The following ZNF846 variants were observed in gnomAD, a reference collection of about 807,000 sequenced individuals.
ZNF846 encodes zinc finger protein 420 pseudogene.
Under a neutral mutation model 16.0 loss-of-function variants are expected in ZNF846, and 15 were observed. The ratio of observed to expected loss-of-function variants is 0.94; its 90% CI spans 0.63 to 1.45. The LOEUF (loss-of-function observed/expected upper bound fraction) is 1.45, where lower values mean the gene tolerates loss of function less well. Ranked by LOEUF, ZNF846 falls within the 40% of genes most tolerant of loss-of-function variation. ZNF846 has a pLI of 0.00. For synonymous variants in ZNF846, 229 were observed against 212.0 expected (o/e 1.08, Z -0.70); for missense variants, 714 against 622.3 (o/e 1.15, Z -1.57).
At chr19:9,779,431 G>A (rs917163474) in intron 1 of ZNF846, among the ~76,000 whole-genome samples, 4 of 151,804 alleles carry the variant, frequency 2.6e-5, no homozygotes, top group Non-Finnish European at 5.9e-5. Flanking sequence ...ACCACGCCTG[G>A]CTAATTTTAT....
intron 1 of ZNF846, among the ~76,000 whole-genome samples, chr19:9,767,084 C>T (rs113211010): frequency 6.6e-6 from 1 of 151,840 alleles, no homozygotes; most frequent in African/African-American, 2.4e-5. Flanking sequence ...GCTTCTGCTT[C>T]CCAAAGTGCT....
exon 6 of ZNF846, chr19:9,758,552 A>G: frequency 1.9e-6 from 3 of 1,612,946 alleles, no homozygotes; most frequent in Non-Finnish European, 2.5e-6. Flanking sequence ...AGGCTTTTTC[A>G]TGTTTAACAC....
At chr19:9,753,753 CTA>C (rs2045106987), downstream of ZNF846, among the ~76,000 whole-genome samples, 1 of 151,632 alleles carries the variant, frequency 6.6e-6, no homozygotes, top group Non-Finnish European at 1.5e-5. Flanking sequence ...TTGTTTCATT[CTA>C]TGTGACTTGA....
intron 3 of ZNF846, 75 bp downstream of exon 3, chr19:9,763,207 C>A: frequency 7.2e-7 from 1 of 1,388,130 alleles, no homozygotes; most frequent in Non-Finnish European, 9.7e-7. Flanking sequence ...TATTACAGTA[C>A]CCTCATTTGA....
intron 1 of ZNF846, among the ~76,000 whole-genome samples, chr19:9,777,406 C>G (rs1021925403): frequency 6.6e-6 from 1 of 151,278 alleles, no homozygotes; most frequent in Non-Finnish European, 1.5e-5. Context: ...GGTGCGGTGG[C>G]TCATGCCTGT....
chr19:9,750,892 C>G (rs1003680090), downstream of ZNF846, among the ~76,000 whole-genome samples: 5 of 152,278 alleles, frequency 3.3e-5, no homozygotes, highest in East Asian at 9.7e-4. Context: ...GATTTACTCA[C>G]TGCTGAAAAA....
chr19:9,784,383 G>A (rs2045536968), intron 1 of ZNF846, among the ~76,000 whole-genome samples: 1 of 152,220 alleles, frequency 6.6e-6, no homozygotes, highest in Non-Finnish European at 1.5e-5. Context: ...GGATGTGCAT[G>A]TAGGCCAGAT....
intron 5 of ZNF846, 74 bp from the exon 6 acceptor site, chr19:9,758,838 C>A (rs2045177541): frequency 2.1e-5 from 23 of 1,121,566 alleles, no homozygotes; most frequent in Non-Finnish European, 2.9e-5. Flanking sequence ...CCAATCACAA[C>A]ATATATGCAT....
downstream of ZNF846, among the ~76,000 whole-genome samples, chr19:9,749,640 T>A (rs1348623919): frequency 5.3e-5 from 8 of 150,270 alleles, no homozygotes; most frequent in South Asian, 1.7e-3. Context: ...ACCTCCAGCA[T>A]AGTATCAACC....
intron 3 of ZNF846, among the ~76,000 whole-genome samples, chr19:9,762,987 T>C (rs1276331014): frequency 6.6e-6 from 1 of 151,916 alleles, no homozygotes. Flanking sequence ...CCACTAAAAA[T>C]ACAAAAATTA....
chr19:9,771,582 GA>G (rs2045391268), upstream of ZNF846, among the ~76,000 whole-genome samples: 1 of 152,126 alleles, frequency 6.6e-6, no homozygotes, highest in Non-Finnish European at 1.5e-5. Flanking sequence ...ACTTCACTTA[GA>G]ATAATAGTCT....
chr19:9,750,650 T>C (rs1055514819), downstream of ZNF846, among the ~76,000 whole-genome samples: 8 of 152,070 alleles, frequency 5.3e-5, no homozygotes, highest in African/African-American at 1.9e-4. Flanking sequence ...GACACCAACA[T>C]GACAAAAAAG....
downstream of ZNF846, among the ~76,000 whole-genome samples, chr19:9,755,342 C>T (rs549342213): frequency 4.6e-5 from 7 of 151,694 alleles, no homozygotes; most frequent in South Asian, 1.4e-3. Context: ...CAGTAAGACA[C>T]ATAGAAAGGC....
downstream of ZNF846, among the ~76,000 whole-genome samples, chr19:9,750,756 C>T (rs1192959201): frequency 6.6e-6 from 1 of 152,204 alleles, no homozygotes; most frequent in African/African-American, 2.4e-5. Context: ...ACCTCTGTCA[C>T]ACCATTCTGC....
chr19:9,758,540 GA>G lies in ZNF846; in HGVS notation c.536del (p.Phe179SerfsTer39), dbSNP rs750319642. The G allele has an allele frequency of 3.7e-6, 6 of 1,613,120 alleles. No homozygotes were observed. The highest frequency in any genetic ancestry group is 4.2e-6 in the Non-Finnish European group (5 of 1,179,902). ...GCCTAGTAAGATTTGGAAACTGGTT[GA>G]AGGCTTTTTCATGTTTAACACACTT... On this transcript the variant is annotated frameshift_variant, in exon 6 of 6. Transcript: ENST00000397902. LOFTEE classifies it low-confidence loss of function (END_TRUNC).
intron 4 of ZNF846, among the ~76,000 whole-genome samples, chr19:9,761,874 C>T (rs114592816): frequency 0.037 from 5,632 of 152,104 alleles, 359 homozygotes; most frequent in African/African-American, 0.13. Context: ...GCAGACAAAC[C>T]TTTCTGAGAA....
upstream of ZNF846, among the ~76,000 whole-genome samples, chr19:9,769,148 G>A (rs1249452218): frequency 2.0e-5 from 3 of 152,162 alleles, no homozygotes; most frequent in South Asian, 2.1e-4. Flanking sequence ...GCAGTGGCTC[G>A]GTCATAGATC....
At chr19:9,770,134 G>A (rs1280333671), upstream of ZNF846, among the ~76,000 whole-genome samples, 2 of 151,848 alleles carry the variant, frequency 1.3e-5, no homozygotes. Flanking sequence ...GTGGCTTTTT[G>A]TATATTCATA....
intron 1 of ZNF846, among the ~76,000 whole-genome samples, chr19:9,782,845 C>A (rs1015109949): frequency 6.6e-6 from 1 of 152,182 alleles, no homozygotes; most frequent in Admixed American, 6.5e-5. Flanking sequence ...TCCTTTAACT[C>A]TCTCAAAATG....
Sources: gnomAD v4.1 joint callset for allele counts (sites outside exome capture counted in the v4.1 genomes callset) on GRCh38, gnomAD v4.1.1 for gene constraint, MANE v1.5 for transcripts, NCBI Gene and HGNC (gene_info 2026-07-23, HGNC 2026-07-21) for gene names.